The following EPHA6 variants were observed in gnomAD, a reference collection of about 807,000 sequenced individuals.
The protein encoded by EPHA6 is ephrin type-A receptor 6.
In EPHA6, 50 loss-of-function variants were observed where a neutral mutation model predicts 112.0. The ratio of observed to expected loss-of-function variants is 0.45; its 90% confidence interval spans 0.36 to 0.56. The LOEUF is 0.56. EPHA6 is among the 20% of genes least tolerant of loss of function. The pLI is 0.00. For missense variants in EPHA6, 1,280 were observed against 1,417.4 expected (o/e 0.90, Z 1.56); for synonymous variants, 529 against 490.7 (o/e 1.08, Z -1.03).
At chr3:97,463,665 C>T (rs2090962960) in intron 7 of EPHA6, among the ~76,000 whole-genome samples, 2 of 152,086 alleles carry the variant, frequency 1.3e-5, no homozygotes, top group South Asian at 2.1e-4. Flanking sequence ...TTGTAAATGA[C>T]ATTTTCTGAC....
intron 5 of EPHA6, among the ~76,000 whole-genome samples, chr3:97,381,098 TA>T (rs1225299330): frequency 2.6e-5 from 4 of 152,154 alleles, no homozygotes; most frequent in African/African-American, 7.2e-5. Flanking sequence ...CAAAAATTTT[TA>T]AGCTTGTAAT....
chr3:96,942,240 C>T (rs1330223427), intron 2 of EPHA6, among the ~76,000 whole-genome samples: 1 of 152,336 alleles, frequency 6.6e-6, no homozygotes, highest in East Asian at 1.9e-4. Context: ...AGGCAGGCCT[C>T]CTTTAGCTGT....
chr3:97,639,192 G>A (rs760457625), intron 14 of EPHA6, among the ~76,000 whole-genome samples: 3 of 151,934 alleles, frequency 2.0e-5, no homozygotes, highest in African/African-American at 4.8e-5. Flanking sequence ...AAGTAGCAGT[G>A]TAGGAGTATC....
chr3:96,947,918 C>T (rs777295698), intron 2 of EPHA6, among the ~76,000 whole-genome samples: 14 of 152,002 alleles, frequency 9.2e-5, no homozygotes, highest in South Asian at 2.1e-4. Flanking sequence ...CATATAGACC[C>T]GAAAGAGAGC....
intron 3 of EPHA6, among the ~76,000 whole-genome samples, chr3:97,154,113 C>T (rs928852793): frequency 4.0e-5 from 6 of 150,602 alleles, no homozygotes; most frequent in Non-Finnish European, 5.9e-5. Context: ...TGCAGCGAGC[C>T]GAGATCATGC....
At position 97,278,592 on chromosome 3, in the gene EPHA6, G is replaced by T. The variant is rs549129961; in HGVS notation, c.1606+34305G>T. Among the ~76,000 whole-genome samples, 3 of 152,284 alleles carry T rather than the reference G, an allele frequency of 2.0e-5. No individual in the cohort carries two copies. In the South Asian group the frequency reaches 6.2e-4, roughly 32 times the overall value. Reference sequence around the variant, plus strand: ...GAACTTGAACATGGAGGATAGCAAAGATCATCACTATTTCAACCACTCAGT... The same window carrying T: ...GAACTTGAACATGGAGGATAGCAAATATCATCACTATTTCAACCACTCAGT... On this transcript the variant is annotated intron_variant, in intron 5 of 17. Transcript: ENST00000389672.
intron 5 of EPHA6, among the ~76,000 whole-genome samples, chr3:97,404,712 TGAAG>T (rs1415214708): frequency 6.6e-6 from 1 of 152,200 alleles, no homozygotes; most frequent in Non-Finnish European, 1.5e-5. Context: ...TAAACTTTTT[TGAAG>T]CCTTAAAATG....
At chr3:97,668,911 CAAA>C (rs397990599) in intron 14 of EPHA6, among the ~76,000 whole-genome samples, 65 of 31,878 alleles carry the variant, frequency 2.0e-3, no homozygotes, top group African/African-American at 7.0e-3. Flanking sequence ...GACTCTGTCT[CAAA>C]AAAAAAAAAA....
chr3:97,242,555 C>G (rs1316978103), intron 4 of EPHA6, among the ~76,000 whole-genome samples: 1 of 151,680 alleles, frequency 6.6e-6, no homozygotes, highest in East Asian at 1.9e-4. Context: ...GTCACTCCAC[C>G]AAAATGTAAA....
At chr3:97,004,930 T>TGGTGTTATTTCTGA (rs1176132504) in intron 3 of EPHA6, among the ~76,000 whole-genome samples, 1 of 152,096 alleles carries the variant, frequency 6.6e-6, no homozygotes, top group African/African-American at 2.4e-5. Flanking sequence ...TGTAGATGTG[T>TGGTGTTATTTCTGA]GGTGTTATTT....
intron 3 of EPHA6, among the ~76,000 whole-genome samples, chr3:97,034,958 A>G (rs2027814): frequency 0.43 from 65,578 of 151,782 alleles, 16,302 homozygotes; most frequent in African/African-American, 0.69. Context: ...TAAAATGGTA[A>G]CCATATTTTT....
chr3:97,054,112 A>T (rs528076762), intron 3 of EPHA6, among the ~76,000 whole-genome samples: 2 of 151,990 alleles, frequency 1.3e-5, no homozygotes, highest in African/African-American at 4.8e-5. Flanking sequence ...GCAGCCAGCA[A>T]GTGCAAAAAG....
At chr3:97,348,175 A>G (rs1434989978) in intron 5 of EPHA6, among the ~76,000 whole-genome samples, 1 of 152,128 alleles carries the variant, frequency 6.6e-6, no homozygotes, top group Non-Finnish European at 1.5e-5. Context: ...TAAAGAATGT[A>G]ATGCCATAGG....
At chr3:96,986,327 C>G (rs2043020791) in intron 2 of EPHA6, among the ~76,000 whole-genome samples, 1 of 152,140 alleles carries the variant, frequency 6.6e-6, no homozygotes, top group African/African-American at 2.4e-5. Context: ...AGTGATCTAG[C>G]TCAGAGTAAA....
intron 5 of EPHA6, among the ~76,000 whole-genome samples, chr3:97,250,088 C>A (rs920615400): frequency 1.3e-5 from 2 of 152,064 alleles, no homozygotes; most frequent in Non-Finnish European, 1.5e-5. Flanking sequence ...AATCTTGTAA[C>A]TATATAAAAG....
At chr3:97,290,312 G>T (rs1337776389) in intron 5 of EPHA6, among the ~76,000 whole-genome samples, 1 of 152,040 alleles carries the variant, frequency 6.6e-6, no homozygotes, top group Non-Finnish European at 1.5e-5. Flanking sequence ...TTGGTTGTTA[G>T]GATTTCAATT....
chr3:96,828,325 C>T (rs1477794340), intron 1 of EPHA6, among the ~76,000 whole-genome samples: 1 of 152,024 alleles, frequency 6.6e-6, no homozygotes, highest in Non-Finnish European at 1.5e-5. Flanking sequence ...GTGGACCTAT[C>T]TAACATGACA....
intron 3 of EPHA6, among the ~76,000 whole-genome samples, chr3:97,003,892 G>A (rs1382991699): frequency 6.6e-6 from 1 of 150,792 alleles, no homozygotes; most frequent in Non-Finnish European, 1.5e-5. Context: ...AACATGCAGT[G>A]TTTGGTTTTC....
At chr3:97,455,545 A>G (rs1204709444) in intron 7 of EPHA6, among the ~76,000 whole-genome samples, 1 of 151,972 alleles carries the variant, frequency 6.6e-6, no homozygotes, top group Non-Finnish European at 1.5e-5. Context: ...CTACATGACT[A>G]TTTTTTATTA....
Sources: gnomAD v4.1 joint callset for allele counts (sites outside exome capture counted in the v4.1 genomes callset) on GRCh38, gnomAD v4.1.1 for gene constraint, MANE v1.5 for transcripts, NCBI Gene and HGNC (gene_info 2026-07-23, HGNC 2026-07-21) for gene names.